Variants in NFASC observed in about 807,000 individuals in gnomAD.
NFASC encodes neurofascin homolog.
NFASC carries 43 observed loss-of-function variants against 147.5 expected under a neutral mutation model. The observed-to-expected ratio is 0.29, with a 90% confidence interval of 0.23 to 0.38. The LOEUF (loss-of-function observed/expected upper bound fraction) is 0.38, where lower values mean the gene tolerates loss of function less well. NFASC is among the 10% of genes least tolerant of loss of function. The pLI is 1.00. For missense variants in NFASC, 1,320 were observed against 1,689.0 expected (o/e 0.78, Z 3.83); for synonymous variants, 622 against 665.5 (o/e 0.93, Z 1.01).
Position 204,997,541 on chromosome 1 carries a change from T to G in NFASC, c.3019+135T>G, listed in dbSNP as rs894538703. On this transcript the variant is annotated intron_variant, in intron 25 of 29. Coordinates refer to ENST00000339876, the MANE Select transcript of NFASC (RefSeq NM_001005388.3). The stretch of plus-strand genomic sequence containing the variant: ...TGCCACCACCTCCCTTTGTGTTTCC[T>G]TTGGAAACTCACCCGTGACTGGATG... 3.9e-6 allele frequency: 4 copies of G among 1,014,818 alleles called. No homozygotes were observed. The African/African-American group carries it at 6.4e-5, about 16-fold the overall frequency. 62.9% of individuals were successfully genotyped at this position (1,014,818 alleles called of 1,614,324 possible).
intron 2 of NFASC, among the ~76,000 whole-genome samples, chr1:204,927,187 G>A (rs958347391): frequency 6.6e-6 from 1 of 151,968 alleles, no homozygotes; most frequent in African/African-American, 2.4e-5. Flanking sequence ...CATTTTTATC[G>A]CCACTCCCAG....
intron 1 of NFASC, among the ~76,000 whole-genome samples, chr1:204,859,174 C>T (rs994173323): frequency 5.3e-5 from 8 of 152,132 alleles, no homozygotes; most frequent in Admixed American, 1.3e-4. Context: ...GACGGGGTTT[C>T]GCCATGTTGG....
intron 8 of NFASC, among the ~76,000 whole-genome samples, chr1:204,967,029 G>A (rs940679510): frequency 2.6e-5 from 4 of 152,046 alleles, no homozygotes; most frequent in African/African-American, 9.7e-5. Flanking sequence ...CTCTCCTCAC[G>A]CTACCAGCAC....
intron 11 of NFASC, among the ~76,000 whole-genome samples, chr1:204,972,099 A>G (rs969481127): frequency 1.3e-5 from 2 of 152,196 alleles, no homozygotes; most frequent in African/African-American, 2.4e-5. Context: ...GGCGTGGATG[A>G]TAAGGGTGCT....
chr1:204,974,608 G>T (rs748209153), intron 13 of NFASC, 49 bp from the exon 14 acceptor site: 33 of 1,606,806 alleles, frequency 2.1e-5, no homozygotes, highest in Non-Finnish European at 2.7e-5. Flanking sequence ...CCCTGCCCTT[G>T]GGCTGGTCCT....
At chr1:204,854,776 G>A (rs1008981035) in intron 1 of NFASC, among the ~76,000 whole-genome samples, 1 of 152,206 alleles carries the variant, frequency 6.6e-6, no homozygotes, top group African/African-American at 2.4e-5. Context: ...AAGGTTCCCT[G>A]TTCAGTACCC....
At chr1:204,973,541 A>G (rs1176580768) in intron 12 of NFASC, 122 bp downstream of exon 12, 1 of 1,255,752 alleles carries the variant, frequency 8.0e-7, no homozygotes, top group East Asian at 2.5e-5. Flanking sequence ...GGGTGAGGTA[A>G]GAGGATGTTG....
At chr1:204,997,086 G>T (rs1291036853) in intron 24 of NFASC, 84 bp from the exon 25 acceptor site, 3 of 1,547,242 alleles carry the variant, frequency 1.9e-6, no homozygotes, top group East Asian at 2.3e-5. Flanking sequence ...TCACCGGGCT[G>T]CCTGCCTTGC....
intron 1 of NFASC, among the ~76,000 whole-genome samples, chr1:204,830,457 G>A (rs940986739): frequency 6.6e-6 from 1 of 152,190 alleles, no homozygotes; most frequent in African/African-American, 2.4e-5. Context: ...ATTGCAGGAA[G>A]AATTGAAGGA....
At chr1:204,930,181 T>C (rs2092230357) in intron 2 of NFASC, among the ~76,000 whole-genome samples, 1 of 152,238 alleles carries the variant, frequency 6.6e-6, no homozygotes, top group East Asian at 1.9e-4. Flanking sequence ...CCCTCAATTC[T>C]GAGAGTCTGT....
chr1:204,908,705 AC>A (rs1286973887), intron 1 of NFASC, among the ~76,000 whole-genome samples: 11 of 151,216 alleles, frequency 7.3e-5, no homozygotes, highest in Non-Finnish European at 2.9e-5. Flanking sequence ...TCCTACCACC[AC>A]CTCCCCCTTC....
At chr1:204,860,822 A>G (rs1441378818) in intron 1 of NFASC, among the ~76,000 whole-genome samples, 1 of 152,196 alleles carries the variant, frequency 6.6e-6, no homozygotes, top group Non-Finnish European at 1.5e-5. Context: ...ACTTCATGTC[A>G]GTGGAATCAT....
At position 204,952,058 on chromosome 1, in the gene NFASC, G is replaced by A. The variant is rs188580609; in HGVS notation, c.157G>A (p.Val53Met). Residue 53 changes from valine (V) to methionine (M), a missense_variant, in exon 5 of 30, where the codon GTG becomes ATG. This residue lies in a region of NFASC where 981 missense variants were observed against 1,289.5 expected (regional missense o/e 0.76). Coordinates refer to ENST00000339876, the MANE Select transcript of NFASC (RefSeq NM_001005388.3). The part of the protein sequence containing the change: ...ITKQSAKDHI[V>M]DPRDNILIEC... ...CAAGCAGTCAGCGAAGGATCACATC[G>A]TGGACCCCCGTGATAACATCCTGAT... The A allele has an allele frequency of 3.9e-5, 63 of 1,614,142 alleles. No individual in the cohort carries two copies. In the African/African-American group the frequency reaches 4.3e-4, roughly 11 times the overall value.
chr1:205,003,815 C>T (rs548985070), intron 27 of NFASC, among the ~76,000 whole-genome samples: 2 of 152,314 alleles, frequency 1.3e-5, no homozygotes, highest in East Asian at 3.9e-4. Context: ...AGTCCCTGCC[C>T]ATCTGTGTAA....
At chr1:204,995,643 G>A (rs1037741044) in intron 24 of NFASC, among the ~76,000 whole-genome samples, 3 of 152,096 alleles carry the variant, frequency 2.0e-5, no homozygotes, top group Admixed American at 6.5e-5. Flanking sequence ...CACCCTCGGG[G>A]CACAGTAGTA....
At chr1:204,982,366 G>A (rs1430208710) in intron 21 of NFASC, among the ~76,000 whole-genome samples, 1 of 152,202 alleles carries the variant, frequency 6.6e-6, no homozygotes, top group African/African-American at 2.4e-5. Flanking sequence ...CTGGCAGTCT[G>A]CCTTACTGCT....
intron 1 of NFASC, among the ~76,000 whole-genome samples, chr1:204,843,775 C>T (rs978094688): frequency 4.6e-5 from 7 of 151,802 alleles, no homozygotes; most frequent in African/African-American, 1.7e-4. Context: ...GGGGTGATCT[C>T]GGCTCACCTC....
chr1:205,003,213 C>T (rs2096031357), intron 27 of NFASC, among the ~76,000 whole-genome samples: 1 of 152,144 alleles, frequency 6.6e-6, no homozygotes, highest in African/African-American at 2.4e-5. Flanking sequence ...TTTGTTACTC[C>T]CTTGCCACCA....
chr1:204,872,734 G>A (rs2077957553), intron 1 of NFASC, among the ~76,000 whole-genome samples: 1 of 152,204 alleles, frequency 6.6e-6, no homozygotes, highest in South Asian at 2.1e-4. Flanking sequence ...TGCTCAGGGT[G>A]CAACAGGAGG....
Sources: gnomAD v4.1 joint callset for allele counts (sites outside exome capture counted in the v4.1 genomes callset) on GRCh38, gnomAD v4.1.1 for gene constraint, gnomAD v4.1.1 regional missense constraint, MANE v1.5 for transcripts, NCBI Gene and HGNC (gene_info 2026-07-23, HGNC 2026-07-21) for gene names.